The following PDLIM5 variants were observed in gnomAD, a reference collection of about 807,000 sequenced individuals.
PDLIM5 encodes the protein PDZ and LIM domain protein 5.
PDLIM5 carries 34 observed loss-of-function variants against 64.2 expected under a neutral mutation model. That is an observed-to-expected ratio of 0.53 (90% CI 0.40 to 0.71). PDLIM5 has a LOEUF of 0.71. PDLIM5 is among the 30% of genes least tolerant of loss of function. The pLI is 0.00. For synonymous variants in PDLIM5, 253 were observed against 269.1 expected (o/e 0.94, Z 0.59); for missense variants, 683 against 733.6 (o/e 0.93, Z 0.80).
intron 7 of PDLIM5, among the ~76,000 whole-genome samples, chr4:94,605,010 A>G (rs1737805336): frequency 6.6e-6 from 1 of 152,198 alleles, no homozygotes; most frequent in South Asian, 2.1e-4. Flanking sequence ...AGTGAGTATA[A>G]TGTTATTTCA....
intron 2 of PDLIM5, among the ~76,000 whole-genome samples, chr4:94,469,407 G>A (rs982321616): frequency 2.6e-5 from 4 of 152,140 alleles, no homozygotes; most frequent in Non-Finnish European, 5.9e-5. Flanking sequence ...AACTAATCAC[G>A]TGAAGAGCTG....
chr4:94,550,719 C>G (rs1052770299), intron 3 of PDLIM5, among the ~76,000 whole-genome samples: 12 of 152,186 alleles, frequency 7.9e-5, no homozygotes, highest in Admixed American at 2.6e-4. Context: ...CTGTAATTAT[C>G]CATACTTGAG....
chr4:94,618,944 A>G (rs1235689405), intron 8 of PDLIM5, among the ~76,000 whole-genome samples: 1 of 152,072 alleles, frequency 6.6e-6, no homozygotes, highest in Non-Finnish European at 1.5e-5. Flanking sequence ...CTCACTCTTT[A>G]TGCTCTCCCT....
At position 94,667,419 on chromosome 4, in the gene PDLIM5, TG is replaced by T. The variant is rs1743129261; in HGVS notation, c.*3353del. ...TGCTGAACATGTACAAACTTTTTTT[TG>T]TCATTAAACAATATAGTATAACAAC... On this transcript the variant is annotated 3_prime_UTR_variant, in exon 13 of 13. Coordinates refer to ENST00000317968, the MANE Select transcript of PDLIM5 (RefSeq NM_006457.5). 6.6e-6 allele frequency: 1 copy of T among 152,238 alleles called. No homozygotes were observed. Among genetic ancestry groups the T allele is most frequent in the South Asian group, 2.1e-4 (1 of 4,834 alleles). 9.4% of individuals were successfully genotyped at this position (152,238 alleles called of 1,614,324 possible).
intron 7 of PDLIM5, among the ~76,000 whole-genome samples, chr4:94,597,000 TTAAC>T (rs1038937014): frequency 9.9e-5 from 15 of 152,112 alleles, no homozygotes; most frequent in African/African-American, 3.4e-4. Context: ...ATGCACCTAA[TTAAC>T]TACTCCCAAA....
intron 2 of PDLIM5, among the ~76,000 whole-genome samples, chr4:94,494,256 C>T (rs1727132257): frequency 6.6e-6 from 1 of 151,930 alleles, no homozygotes; most frequent in Non-Finnish European, 1.5e-5. Flanking sequence ...GCTTGAGGTG[C>T]TGTGCCCAGC....
At chr4:94,556,068 ACAAC>A (rs1733283248) in intron 3 of PDLIM5, among the ~76,000 whole-genome samples, 8 of 24,650 alleles carry the variant, frequency 3.2e-4, no homozygotes, top group Non-Finnish European at 6.3e-4. Context: ...CCCCCACCCC[ACAAC>A]AGGCCCCGGT....
At chr4:94,467,477 C>G (rs967485217) in intron 2 of PDLIM5, among the ~76,000 whole-genome samples, 1 of 152,072 alleles carries the variant, frequency 6.6e-6, no homozygotes, top group Non-Finnish European at 1.5e-5. Context: ...CCATGCCTGG[C>G]TAATTTTTGT....
intron 7 of PDLIM5, chr4:94,587,793 T>A: frequency 1.1e-6 from 1 of 889,228 alleles, no homozygotes; most frequent in Non-Finnish European, 1.3e-6. Flanking sequence ...AGGAAATATC[T>A]CTAGTGGATA....
chr4:94,654,426 C>G, intron 9 of PDLIM5, 34 bp from the exon 10 acceptor site: 1 of 1,431,008 alleles, frequency 7.0e-7, no homozygotes, highest in East Asian at 2.3e-5. Flanking sequence ...AAATTTTATT[C>G]TCAAACTTAG....
At chr4:94,541,063 T>A (rs756140264) in intron 3 of PDLIM5, among the ~76,000 whole-genome samples, 13 of 152,212 alleles carry the variant, frequency 8.5e-5, no homozygotes, top group Admixed American at 7.2e-4. Context: ...TAAAACTGTT[T>A]GAGGCAAATT....
chr4:94,547,817 G>A (rs1446419541), intron 3 of PDLIM5, among the ~76,000 whole-genome samples: 2 of 152,182 alleles, frequency 1.3e-5, no homozygotes, highest in African/African-American at 4.8e-5. Context: ...GGTTGGTCTT[G>A]TAGTTTCCTA....
At chr4:94,481,760 C>T (rs988202728) in intron 2 of PDLIM5, among the ~76,000 whole-genome samples, 2 of 150,772 alleles carry the variant, frequency 1.3e-5, no homozygotes, top group Non-Finnish European at 3.0e-5. Context: ...AGGCGCCCGC[C>T]ACCACACCTG....
chr4:94,465,837 G>C lies in PDLIM5; in HGVS notation c.96+10453G>C, dbSNP rs187369702. Reference sequence around the variant, plus strand: ...ACCAGCCAAACTGAGTAGTAATAATGTGTTTACCTGTTATGCTCTTATTTC... The same window carrying C: ...ACCAGCCAAACTGAGTAGTAATAATCTGTTTACCTGTTATGCTCTTATTTC... On this transcript the variant is annotated intron_variant, in intron 2 of 12. Coordinates refer to ENST00000317968, the MANE Select transcript of PDLIM5 (RefSeq NM_006457.5). 7.9e-4 allele frequency among the ~76,000 whole-genome samples: 120 copies of C among 152,260 alleles called. 4 individuals carry two copies. The East Asian group carries it at 0.022, about 28-fold the overall frequency.
intron 2 of PDLIM5, among the ~76,000 whole-genome samples, chr4:94,485,222 A>G (rs1457756454): frequency 6.6e-6 from 1 of 152,232 alleles, no homozygotes; most frequent in East Asian, 1.9e-4. Flanking sequence ...AGAAGAAAGT[A>G]CAGATCTCTA....
intron 3 of PDLIM5, among the ~76,000 whole-genome samples, chr4:94,538,903 T>G (rs895491927): frequency 1.3e-5 from 2 of 152,102 alleles, no homozygotes; most frequent in African/African-American, 2.4e-5. Context: ...TAATGACAGA[T>G]TGGGATGAAT....
intron 9 of PDLIM5, among the ~76,000 whole-genome samples, chr4:94,643,719 C>T (rs1346344569): frequency 6.6e-6 from 1 of 152,128 alleles, no homozygotes; most frequent in Non-Finnish European, 1.5e-5. Flanking sequence ...ACCAGAAAAA[C>T]TATATACAGC....
intron 2 of PDLIM5, among the ~76,000 whole-genome samples, chr4:94,515,419 A>G (rs901546461): frequency 6.6e-6 from 1 of 152,190 alleles, no homozygotes; most frequent in Non-Finnish European, 1.5e-5. Context: ...ACTATTTGGA[A>G]TAAGCATTCT....
chr4:94,584,792 G>C, intron 5 of PDLIM5: 1 of 518,718 alleles, frequency 1.9e-6, no homozygotes, highest in Non-Finnish European at 3.5e-6. Flanking sequence ...TGATATTAAT[G>C]GCCGTTGTGA....
Sources: allele counts gnomAD v4.1 joint callset (sites outside exome capture counted in the v4.1 genomes callset), GRCh38; gene constraint gnomAD v4.1.1; transcripts MANE v1.5; gene names NCBI Gene and HGNC (gene_info 2026-07-23, HGNC 2026-07-21).